The following KRT27 variants were observed in gnomAD, a reference collection of about 807,000 sequenced individuals.
KRT27 encodes the protein keratin, type I cytoskeletal 27.
Under a neutral mutation model 45.3 loss-of-function variants are expected in KRT27, and 30 were observed. That is an observed-to-expected ratio of 0.66 (90% CI 0.50 to 0.90). The LOEUF (loss-of-function observed/expected upper bound fraction) is 0.90. Among genes scored for constraint, KRT27 ranks in the 40% least tolerant of loss-of-function variants. The pLI, the probability that KRT27 is intolerant of heterozygous loss-of-function variation, is 0.00. For missense variants in KRT27, 610 were observed against 564.3 expected (o/e 1.08, Z -0.82); for synonymous variants, 204 against 223.9 (o/e 0.91, Z 0.79).
chr17:40,782,522 T>G lies in KRT27; in HGVS notation c.-29A>C. 1 of 1,492,836 alleles carries G rather than the reference T, an allele frequency of 6.7e-7. No homozygotes were observed. The highest frequency in any genetic ancestry group is 9.0e-7 in the Non-Finnish European group (1 of 1,116,280). The allele number at this position is 1,492,836 out of a possible 1,614,324, so 92.5% of individuals were successfully genotyped here. On this transcript the variant is annotated 5_prime_UTR_variant, in exon 1 of 8. Coordinates refer to ENST00000301656, the MANE Select transcript of KRT27 (RefSeq NM_181537.4). ...GTCCGGAGGCTGGAGCCTTTGTTTC[T>G]GCGGTGATGCTCTGATGGTGAACGG...
At chr17:40,778,302 C>A (rs2038281496) in intron 5 of KRT27, among the ~76,000 whole-genome samples, 1 of 152,234 alleles carries the variant, frequency 6.6e-6, no homozygotes, top group Non-Finnish European at 1.5e-5. Context: ...AGGGAACACT[C>A]ACTGCAATTT....
At position 40,780,374 on chromosome 17, in the gene KRT27, A is replaced by T. The variant is rs1361496833; in HGVS notation, c.610T>A (p.Cys204Ser). 1.2e-6 allele frequency: 2 copies of T among 1,613,580 alleles called. No homozygotes were observed. Among genetic ancestry groups the T allele is most frequent in the South Asian group, 1.1e-5 (1 of 90,872 alleles). Residue 204 changes from cysteine (C) to serine (S), a missense_variant, in exon 3 of 8, where the codon TGC (cysteine) becomes AGC (serine). Transcript: ENST00000301656. ...AGCTGGATCTCCAGGTCCGTTCTGC[A>T]CAAGGTCAGCTCATCCAGGACTCTT... The part of the protein sequence containing the change: ...LRRVLDELTL[C>S]RTDLEIQLET...
In KRT27 at chr17:40,777,201, A is replaced by G. The variant is rs575496433; in HGVS notation, c.1240+52T>C. 22 of 1,610,870 alleles carry G rather than the reference A, an allele frequency of 1.4e-5. No homozygotes were observed. The East Asian group carries it at 4.7e-4, about 34-fold the overall frequency. ...ATTCATAAATAGGAAATAAAACATCATTTGAAACACATACAAATAAACACT... is the reference window on the plus strand; with the variant it reads ...ATTCATAAATAGGAAATAAAACATCGTTTGAAACACATACAAATAAACACT... On this transcript the variant is annotated intron_variant, in intron 7 of 7. Transcript: ENST00000301656.
chr17:40,780,160 C>G, intron 3 of KRT27, 140 bp downstream of exon 3: 2 of 948,608 alleles, frequency 2.1e-6, no homozygotes, highest in Non-Finnish European at 3.0e-6. Flanking sequence ...ATAGAAGCGT[C>G]TCAAACAATC....
At position 40,782,328 on chromosome 17, in the gene KRT27, C is replaced by T. The variant is rs1597803820; in HGVS notation, c.166G>A (p.Gly56Arg). Residue 56 changes from glycine (G) to arginine (R), a missense_variant, in exon 1 of 8, where the codon GGA becomes AGA. Transcript: ENST00000301656. ...SCAFGGSSSA[G>R]GYGGGLGGGS... Reference sequence around the variant, plus strand: ...CCGCCCAGACCTCCGCCATAGCCTCCTGCAGATGAGCTGCCCCCAAAAGCA... The same window carrying T: ...CCGCCCAGACCTCCGCCATAGCCTCTTGCAGATGAGCTGCCCCCAAAAGCA... 12 of 1,614,190 alleles carry T rather than the reference C, an allele frequency of 7.4e-6. No homozygotes were observed. The highest frequency in any genetic ancestry group is 1.0e-5 in the Non-Finnish European group (12 of 1,180,008).
chr17:40,777,781 G>C, intron 5 of KRT27, 49 bp from the exon 6 acceptor site: 5 of 1,570,134 alleles, frequency 3.2e-6, no homozygotes, highest in Non-Finnish European at 4.4e-6. Context: ...CGGTGTTTTA[G>C]AATAAGCCAA....
At position 40,777,604 on chromosome 17, in the gene KRT27, C is replaced by G. The variant is rs776517358; in HGVS notation, c.1101G>C (p.Gln367His). The change falls in exon 6 of 8, where the codon CAG (glutamine) becomes CAC (histidine). Residue 367 changes from glutamine (Q) to histidine (H), a missense_variant. Physicochemically the swap from Gln to His is conservative, Grantham distance 24 (BLOSUM62 0). Coordinates refer to ENST00000301656, the MANE Select transcript of KRT27 (RefSeq NM_181537.4). ...LHQVRTETEG[Q>H]KLEYEQLLDI... Reference sequence around the variant, plus strand: ...CAAGGAGCTGCTCATACTCGAGCTTCTGGCCCTCGGTCTCGGTTCTGACCT... The same window carrying G: ...CAAGGAGCTGCTCATACTCGAGCTTGTGGCCCTCGGTCTCGGTTCTGACCT... 1.1e-5 allele frequency: 17 copies of G among 1,613,952 alleles called. No individual in the cohort carries two copies. The highest frequency in any genetic ancestry group is 5.0e-5 in the Admixed American group (3 of 59,988).
At position 40,781,187 on chromosome 17, in the gene KRT27, C is replaced by CTTTA. The variant is rs747750906; in HGVS notation, c.524_527dup (p.Lys176AsnfsTer4). 6.3e-7 allele frequency: 1 copy of CTTTA among 1,598,068 alleles called. No homozygotes were observed. Among genetic ancestry groups the CTTTA allele is most frequent in the South Asian group, 1.1e-5 (1 of 88,422 alleles). On this transcript the variant is annotated frameshift_variant and splice_region_variant. Transcript: ENST00000301656. LOFTEE classifies it high-confidence loss of function. ...TCCCATTTATCTTCAGCTCTACTTACTTTAGTCTGAAGTCATCAGCTGTTA... is the reference window on the plus strand; with the variant it reads ...TCCCATTTATCTTCAGCTCTACTTACTTTATTTAGTCTGAAGTCATCAGCTGTTA...
In KRT27 at chr17:40,777,247, G is replaced by C; in HGVS notation, c.1240+6C>G. The C allele has an allele frequency of 6.2e-7, 1 of 1,613,662 alleles. No individual in the cohort carries two copies. The highest frequency in any genetic ancestry group is 8.5e-7 in the Non-Finnish European group (1 of 1,179,798). On this transcript the variant is annotated splice_donor_region_variant and intron_variant, in intron 7 of 7. Transcript: ENST00000301656. Reference sequence around the variant, plus strand: ...ACACTGAATGCCTAACACAGCTTTTGTTTACCTTTTGTTTGATTTCCTGGG... The same window carrying C: ...ACACTGAATGCCTAACACAGCTTTTCTTTACCTTTTGTTTGATTTCCTGGG...
chr17:40,779,426 A>T, intron 5 of KRT27, 76 bp downstream of exon 5: 1 of 1,523,422 alleles, frequency 6.6e-7, no homozygotes, highest in East Asian at 2.3e-5. Context: ...ATATGTAATT[A>T]TGTTGGAAGA....
Position 40,777,247 on chromosome 17 carries a change from GT to G in KRT27, c.1240+5del. On this transcript the variant is annotated splice_donor_5th_base_variant and intron_variant, in intron 7 of 7. Transcript: ENST00000301656. ...ACACTGAATGCCTAACACAGCTTTT[GT>G]TTACCTTTTGTTTGATTTCCTGGGC... The G allele has an allele frequency of 1.2e-6, 2 of 1,613,664 alleles. No homozygotes were observed. The highest frequency in any genetic ancestry group is 1.7e-6 in the Non-Finnish European group (2 of 1,179,800).
In KRT27 at chr17:40,782,036, A is replaced by C; in HGVS notation, c.444+14T>G. 6.2e-7 allele frequency: 1 copy of C among 1,601,932 alleles called. No homozygotes were observed. The highest frequency in any genetic ancestry group is 2.2e-5 in the East Asian group (1 of 44,880). On this transcript the variant is annotated intron_variant, in intron 1 of 7. Coordinates refer to ENST00000301656, the MANE Select transcript of KRT27 (RefSeq NM_181537.4). ...TCTCAGGAGTGCTAACACTCACGCC[A>C]TGGCGTTTCTTACCTGGTTCTTAAG...
intron 5 of KRT27, among the ~76,000 whole-genome samples, chr17:40,778,640 A>G (rs1413877665): frequency 6.6e-6 from 1 of 152,166 alleles, no homozygotes; most frequent in African/African-American, 2.4e-5. Flanking sequence ...TGCTGGGCAA[A>G]CCCTTAATGA....
intron 3 of KRT27, 98 bp downstream of exon 3, chr17:40,780,202 C>T: frequency 8.2e-7 from 1 of 1,218,152 alleles, no homozygotes; most frequent in Non-Finnish European, 1.1e-6. Flanking sequence ...CAGGTTCCTT[C>T]TTGAATGTTA....
At chr17:40,780,885 TA>T (rs922369278) in intron 2 of KRT27, among the ~76,000 whole-genome samples, 2 of 151,956 alleles carry the variant, frequency 1.3e-5, no homozygotes, top group South Asian at 2.1e-4. Flanking sequence ...ATTAATTAAT[TA>T]AAAAAACACA....
intron 3 of KRT27, 102 bp from the exon 4 acceptor site, chr17:40,779,963 G>T: frequency 7.6e-7 from 1 of 1,316,420 alleles, no homozygotes; most frequent in Non-Finnish European, 1.0e-6. Flanking sequence ...ATGCAGTGGT[G>T]CAATTATGAC....
rs777376003 is a variant in KRT27, at chr17:40,781,247, A to C, written c.468T>G (p.Asn156Lys). 52 of 1,609,636 alleles carry C rather than the reference A, an allele frequency of 3.2e-5. No homozygotes were observed. Among genetic ancestry groups the C allele is most frequent in the Non-Finnish European group, 4.4e-5 (52 of 1,176,826 alleles). ...TATCATTTTGCAGGACAACATGGGC[A>C]TTACTGGTAGTTGCAGAAATTATCT... ...KNQIISATTS[N>K]AHVVLQNDNA... Residue 156 changes from asparagine (N) to lysine (K), a missense_variant, in exon 2 of 8, where the codon AAT becomes AAG. Transcript: ENST00000301656.
intron 1 of KRT27, among the ~76,000 whole-genome samples, chr17:40,781,804 C>T (rs1473527510): frequency 6.6e-6 from 1 of 152,174 alleles, no homozygotes; most frequent in Non-Finnish European, 1.5e-5. Context: ...AAATATATAA[C>T]TGGAGACACT....
chr17:40,779,374 A>G (rs2144159337), intron 5 of KRT27, 128 bp downstream of exon 5: 1 of 1,163,596 alleles, frequency 8.6e-7, no homozygotes, highest in Non-Finnish European at 1.2e-6. Flanking sequence ...AAATGCAAAT[A>G]TGTCTTATGT....
Sources: allele counts gnomAD v4.1 joint callset (sites outside exome capture counted in the v4.1 genomes callset), GRCh38; gene constraint gnomAD v4.1.1; transcripts MANE v1.5; gene names NCBI Gene and HGNC (gene_info 2026-07-23, HGNC 2026-07-21).